The following CCSER1 variants were observed in gnomAD, a reference collection of about 807,000 sequenced individuals.
CCSER1 encodes the protein serine-rich coiled-coil domain-containing protein 1.
Under a neutral mutation model 82.0 loss-of-function variants are expected in CCSER1, and 41 were observed. That is an observed-to-expected ratio of 0.50 (90% confidence interval 0.39 to 0.65). The LOEUF is 0.65. CCSER1 is among the 30% of genes least tolerant of loss of function. The probability of loss-of-function intolerance (pLI) is 0.00; values close to 1 mark genes in which losing one functional copy is unlikely to be tolerated. For missense variants in CCSER1, 1,119 were observed against 1,064.2 expected, an observed-to-expected ratio of 1.05 and a Z score of -0.72; for synonymous variants, 414 against 383.9, an observed-to-expected ratio of 1.08 and a Z score of -0.92.
chr4:91,080,515 G>A (rs1722589235), intron 9 of CCSER1, among the ~76,000 whole-genome samples: 1 of 152,094 alleles, frequency 6.6e-6, no homozygotes, highest in Non-Finnish European at 1.5e-5. Context: ...GAACTAGAAA[G>A]CAAGAGCAAA....
chr4:91,367,733 CT>C (rs1343790643), intron 10 of CCSER1, among the ~76,000 whole-genome samples: 4 of 152,206 alleles, frequency 2.6e-5, no homozygotes, highest in Non-Finnish European at 5.9e-5. Context: ...TGATTCTCAT[CT>C]TCTGGTTCTT....
At chr4:90,482,175 T>C (rs1578709079) in intron 5 of CCSER1, among the ~76,000 whole-genome samples, 1 of 152,342 alleles carries the variant, frequency 6.6e-6, no homozygotes, top group African/African-American at 2.4e-5. Context: ...GTTTCTAGTA[T>C]TCTCTGATGG....
chr4:90,360,609 A>G (rs1029994406), intron 3 of CCSER1, among the ~76,000 whole-genome samples: 131 of 142,176 alleles, frequency 9.2e-4, no homozygotes, highest in African/African-American at 2.9e-3. Flanking sequence ...AAAAGCTTCC[A>G]CATGGGATGC....
At chr4:90,559,713 G>C (rs1177160261) in intron 5 of CCSER1, among the ~76,000 whole-genome samples, 1 of 150,752 alleles carries the variant, frequency 6.6e-6, no homozygotes, top group Non-Finnish European at 1.5e-5. Flanking sequence ...GGGAGACTGA[G>C]GCAGGAGAAT....
intron 10 of CCSER1, among the ~76,000 whole-genome samples, chr4:91,315,188 T>C (rs1745746694): frequency 6.6e-6 from 1 of 151,698 alleles, no homozygotes; most frequent in East Asian, 1.9e-4. Context: ...TGTAAGTGTG[T>C]AATTATTCTT....
chr4:90,368,636 C>T (rs1039544564), intron 3 of CCSER1, among the ~76,000 whole-genome samples: 1 of 151,784 alleles, frequency 6.6e-6, no homozygotes, highest in Non-Finnish European at 1.5e-5. Flanking sequence ...TGTCTCAAAA[C>T]AAAAACAAAG....
At chr4:90,324,759 G>A (rs1239423868) in intron 3 of CCSER1, among the ~76,000 whole-genome samples, 1 of 152,182 alleles carries the variant, frequency 6.6e-6, no homozygotes, top group Non-Finnish European at 1.5e-5. Flanking sequence ...CCTACATCCT[G>A]AATGGTAATG....
At chr4:90,487,260 T>A (rs1219818208) in intron 5 of CCSER1, among the ~76,000 whole-genome samples, 2 of 152,238 alleles carry the variant, frequency 1.3e-5, no homozygotes, top group Non-Finnish European at 2.9e-5. Context: ...TATGTAATAA[T>A]CAACACAGCC....
At chr4:90,294,601 C>T (rs1453369391) in intron 1 of CCSER1, among the ~76,000 whole-genome samples, 1 of 152,074 alleles carries the variant, frequency 6.6e-6, no homozygotes, top group East Asian at 1.9e-4. Context: ...TTCCAAGTTG[C>T]TTTTAAGACA....
chr4:91,135,644 A>G (rs1728391801), intron 10 of CCSER1, among the ~76,000 whole-genome samples: 1 of 152,162 alleles, frequency 6.6e-6, no homozygotes, highest in Non-Finnish European at 1.5e-5. Flanking sequence ...AGATGCACAG[A>G]CACCTACACA....
chr4:90,601,098 A>G (rs541938966), intron 5 of CCSER1, among the ~76,000 whole-genome samples: 1 of 152,082 alleles, frequency 6.6e-6, no homozygotes, highest in Non-Finnish European at 1.5e-5. Flanking sequence ...TCATTTGCAA[A>G]TAAATACAGT....
At chr4:90,178,713 A>G (rs1177456937) in intron 1 of CCSER1, among the ~76,000 whole-genome samples, 2 of 152,154 alleles carry the variant, frequency 1.3e-5, no homozygotes, top group Non-Finnish European at 2.9e-5. Context: ...ATAGTAAGGG[A>G]ACAATAGTAC....
intron 10 of CCSER1, among the ~76,000 whole-genome samples, chr4:91,104,649 G>T (rs1415688261): frequency 6.6e-6 from 1 of 152,190 alleles, no homozygotes; most frequent in Non-Finnish European, 1.5e-5. Context: ...TTACCACCAA[G>T]TAGGTGACTT....
chr4:91,400,889 G>A (rs1036591243), intron 10 of CCSER1, among the ~76,000 whole-genome samples: 1 of 151,818 alleles, frequency 6.6e-6, no homozygotes, highest in Non-Finnish European at 1.5e-5. Flanking sequence ...AAAGGGCACA[G>A]TGGCACCTAA....
rs202015066 is a variant in CCSER1 at position 90,178,370 on chromosome 4, AT to A, written c.-42+50548del. Among the ~76,000 whole-genome samples the A allele has an allele frequency of 2.7e-4, 41 of 151,442 alleles. No homozygotes were observed. The East Asian group carries it at 4.7e-3, about 17-fold the overall frequency. ...ATGGAAACAATTTGTCTCTGATATA[AT>A]TTTTTTTTCTATTTCTGTTACTCTC... is the stretch of plus-strand genomic sequence containing the variant. On this transcript the variant is annotated intron_variant, in intron 1 of 10. Transcript: ENST00000509176.
At chr4:90,356,592 T>C (rs1744412992) in intron 3 of CCSER1, among the ~76,000 whole-genome samples, 1 of 151,680 alleles carries the variant, frequency 6.6e-6, no homozygotes, top group Non-Finnish European at 1.5e-5. Context: ...AATCCCTACC[T>C]CATAGATATG....
chr4:91,151,323 T>A (rs1322230698), intron 10 of CCSER1, among the ~76,000 whole-genome samples: 1 of 152,220 alleles, frequency 6.6e-6, no homozygotes, highest in South Asian at 2.1e-4. Flanking sequence ...ATATCCACTC[T>A]ATCATTTTTT....
chr4:91,523,993 C>G (rs1760644595), intron 10 of CCSER1, among the ~76,000 whole-genome samples: 1 of 152,170 alleles, frequency 6.6e-6, no homozygotes, highest in South Asian at 2.1e-4. Flanking sequence ...TGAACAACAA[C>G]AAATCTAACA....
intron 3 of CCSER1, among the ~76,000 whole-genome samples, chr4:90,323,647 G>C (rs1334391380): frequency 6.6e-6 from 1 of 151,894 alleles, no homozygotes; most frequent in African/African-American, 2.4e-5. Flanking sequence ...ATGCAACAGT[G>C]TCTTTCCTAT....
Sources: allele counts gnomAD v4.1 joint callset (sites outside exome capture counted in the v4.1 genomes callset), GRCh38; gene constraint gnomAD v4.1.1; transcripts MANE v1.5; gene names NCBI Gene and HGNC (gene_info 2026-07-23, HGNC 2026-07-21).